Variants in PREX1 observed in about 807,000 individuals in gnomAD.
PREX1 encodes phosphatidylinositol-3,4,5-trisphosphate dependent Rac exchange factor 1.
In PREX1, 41 loss-of-function variants were observed where a neutral mutation model predicts 198.3. The ratio of observed to expected loss-of-function variants is 0.21; its 90% CI spans 0.16 to 0.27. PREX1 has a LOEUF of 0.27. Among genes scored for constraint, PREX1 ranks in the 10% least tolerant of loss-of-function variants. The pLI is 1.00. For missense variants in PREX1, 1,620 were observed against 2,200.7 expected (o/e 0.74, Z 5.28); for synonymous variants, 843 against 887.2 (o/e 0.95, Z 0.89).
Position 48,714,413 on chromosome 20 carries a change from TAAC to T in PREX1, c.622-5995_622-5993del, listed in dbSNP as rs557373073. 2.6e-3 allele frequency among the ~76,000 whole-genome samples: 402 copies of T among 152,204 alleles called. 1 individual carries two copies. The highest frequency in any genetic ancestry group is 9.2e-3 in the African/African-American group (380 of 41,514). On this transcript the variant is annotated intron_variant, in intron 5 of 39. Transcript: ENST00000371941. ...GAATATGTAAAGAACCCTTACAACT[TAAC>T]AACAAAAAGATAAATAATACAAGTA...
At chr20:48,676,829 G>A (rs1474774219) in intron 13 of PREX1, among the ~76,000 whole-genome samples, 1 of 152,188 alleles carries the variant, frequency 6.6e-6, no homozygotes, top group Non-Finnish European at 1.5e-5. Context: ...TGACATTGAT[G>A]TATTTAAACC....
chr20:48,629,974 A>G (rs1023196426), intron 36 of PREX1, among the ~76,000 whole-genome samples: 1 of 152,106 alleles, frequency 6.6e-6, no homozygotes, highest in African/African-American at 2.4e-5. Flanking sequence ...CTCTCCAGAA[A>G]AAGCCTTCCC....
intron 5 of PREX1, among the ~76,000 whole-genome samples, chr20:48,712,365 G>A (rs1186513245): frequency 6.6e-6 from 1 of 152,108 alleles, no homozygotes; most frequent in Non-Finnish European, 1.5e-5. Flanking sequence ...CCAGCCTGAG[G>A]CCCTGGGCCT....
At chr20:48,755,614 T>C (rs190235700) in intron 1 of PREX1, among the ~76,000 whole-genome samples, 1 of 152,308 alleles carries the variant, frequency 6.6e-6, no homozygotes, top group Admixed American at 6.5e-5. Flanking sequence ...TACCATGAGG[T>C]AGAAGCCACG....
the PREX1 span, among the ~76,000 whole-genome samples, chr20:48,880,404 GA>G: frequency 6.6e-6 from 1 of 152,232 alleles, no homozygotes; most frequent in South Asian, 2.1e-4. Flanking sequence ...CTAGAGAGAG[GA>G]AACCCAGAGC....
chr20:48,682,240 G>T (rs1020984065), intron 10 of PREX1, among the ~76,000 whole-genome samples: 1 of 152,142 alleles, frequency 6.6e-6, no homozygotes, highest in African/African-American at 2.4e-5. Context: ...AGCTCTTCAT[G>T]CAACTGTGCC....
chr20:48,736,793 C>T (rs897027569), intron 3 of PREX1, among the ~76,000 whole-genome samples: 1 of 152,132 alleles, frequency 6.6e-6, no homozygotes, highest in Non-Finnish European at 1.5e-5. Context: ...TGTCTGGAAA[C>T]CTGCTCCTGC....
rs188850023 is a variant in PREX1, at chr20:48,769,219, A to C, written c.220-21339T>G. Among the ~76,000 whole-genome samples the C allele has an allele frequency of 7.9e-5, 12 of 152,196 alleles. No homozygotes were observed. The East Asian group carries it at 2.3e-3, about 29-fold the overall frequency. On this transcript the variant is annotated intron_variant, in intron 1 of 39. Coordinates refer to ENST00000371941, the MANE Select transcript of PREX1 (RefSeq NM_020820.4). ...ACCCTGCTTCTAAGAAGATTCGGGA[A>C]CAGGAAGCCTGTGTCTGCTCTCAGG...
At chr20:48,778,235 A>G (rs1255772896) in intron 1 of PREX1, among the ~76,000 whole-genome samples, 1 of 152,236 alleles carries the variant, frequency 6.6e-6, no homozygotes, top group African/African-American at 2.4e-5. Flanking sequence ...AGCCAAAACA[A>G]TTCTGTAAAA....
chr20:48,743,241 G>C (rs1302722062), intron 3 of PREX1, among the ~76,000 whole-genome samples: 3 of 152,158 alleles, frequency 2.0e-5, no homozygotes, highest in Admixed American at 1.3e-4. Context: ...TTGGCTGTTG[G>C]CTCCAGAGAA....
the PREX1 span, among the ~76,000 whole-genome samples, chr20:48,848,258 T>G: frequency 6.6e-4 from 100 of 151,650 alleles, 2 homozygotes; most frequent in South Asian, 0.015. Context: ...CTTTTTTTTT[T>G]TTTTGTTTCT....
chr20:48,826,349 C>A (rs2090508697), intron 1 of PREX1, among the ~76,000 whole-genome samples: 1 of 152,152 alleles, frequency 6.6e-6, no homozygotes. Context: ...CCCCCTCCAC[C>A]CGCTGGCCAC....
chr20:48,835,245 A>G, the PREX1 span, among the ~76,000 whole-genome samples: 12 of 152,222 alleles, frequency 7.9e-5, no homozygotes, highest in Non-Finnish European at 1.8e-4. Context: ...GAATGAATCA[A>G]TATCTCCAGT....
In PREX1 at chr20:48,708,219, C is replaced by T. The variant is rs376423272; in HGVS notation, c.783+41G>A. ...ATGACTGCACCTGTGCACCTCCTGGCCCCCTGCGGCCCAGGAAGCCCCCTC... is the reference window on the plus strand; with the variant it reads ...ATGACTGCACCTGTGCACCTCCTGGTCCCCTGCGGCCCAGGAAGCCCCCTC... On this transcript the variant is annotated intron_variant, in intron 6 of 39. Transcript: ENST00000371941. The T allele has an allele frequency of 3.7e-5, 60 of 1,600,884 alleles. No homozygotes were observed. The African/African-American group carries it at 3.9e-4, about 10-fold the overall frequency.
chr20:48,629,681 C>A, intron 36 of PREX1, 60 bp from the exon 37 acceptor site: 1 of 1,539,780 alleles, frequency 6.5e-7, no homozygotes, highest in Non-Finnish European at 8.9e-7. Context: ...CCCCTCAGCC[C>A]CCATCTGGCC....
rs181424577 is a variant in PREX1 at position 48,722,391 on chromosome 20, A to T, written c.621+3899T>A. Among the ~76,000 whole-genome samples, 21 of 152,338 alleles carry T rather than the reference A, an allele frequency of 1.4e-4. No individual in the cohort carries two copies. The East Asian group carries it at 2.9e-3, about 21-fold the overall frequency. The stretch of plus-strand genomic sequence containing the variant: ...CACTGTGTGATTCCACTTGGAGGAA[A>T]TATCCAGAATAGGTGAACTGACAGA... On this transcript the variant is annotated intron_variant, in intron 5 of 39. Coordinates refer to ENST00000371941, the MANE Select transcript of PREX1 (RefSeq NM_020820.4).
chr20:48,694,682 G>T (rs1455737885), intron 7 of PREX1, among the ~76,000 whole-genome samples: 1 of 152,220 alleles, frequency 6.6e-6, no homozygotes, highest in Non-Finnish European at 1.5e-5. Flanking sequence ...ATGTGTACTT[G>T]TTACTGTAAG....
chr20:48,652,499 AG>A, intron 21 of PREX1, 86 bp downstream of exon 21: 1 of 1,453,854 alleles, frequency 6.9e-7, no homozygotes, highest in Non-Finnish European at 9.2e-7. Flanking sequence ...GGAGGAGGGG[AG>A]GGGAGGGGAC....
chr20:48,800,302 T>C (rs1010783814), intron 1 of PREX1, among the ~76,000 whole-genome samples: 5 of 152,138 alleles, frequency 3.3e-5, no homozygotes, highest in African/African-American at 2.4e-5. Context: ...CCCTTATCAG[T>C]AGGGCGACCA....
Sources: allele counts gnomAD v4.1 joint callset (sites outside exome capture counted in the v4.1 genomes callset), GRCh38; gene constraint gnomAD v4.1.1; transcripts MANE v1.5; gene names NCBI Gene and HGNC (gene_info 2026-07-23, HGNC 2026-07-21).